The following NXN variants were observed in gnomAD, a reference collection of about 807,000 sequenced individuals.
NXN encodes the protein nucleoredoxin, also known as nucleoredoxin 1.
In NXN, 16 loss-of-function variants were observed where a neutral mutation model predicts 48.6. The ratio of observed to expected loss-of-function variants is 0.33; its 90% CI spans 0.22 to 0.50. The LOEUF is 0.50. NXN is among the 20% of genes least tolerant of loss of function. The pLI, the probability that NXN is intolerant of heterozygous loss-of-function variation, is 0.98. For synonymous variants in NXN, 281 were observed against 269.6 expected (o/e 1.04, Z -0.41); for missense variants, 492 against 605.5 (o/e 0.81, Z 1.97).
At position 902,357 on chromosome 17, in the gene NXN, C is replaced by T. The variant is rs199838850; in HGVS notation, c.361-76279G>A. On this transcript the variant is annotated intron_variant, in intron 1 of 7. Transcript: ENST00000336868. ...GATCCGTGAGGTTGATACTTCAAGTCGAAGGCACGAGAATGTCCTTCTGAA... is the reference window on the plus strand; with the variant it reads ...GATCCGTGAGGTTGATACTTCAAGTTGAAGGCACGAGAATGTCCTTCTGAA... 2.6e-5 allele frequency among the ~76,000 whole-genome samples: 4 copies of T among 152,136 alleles called. 1 individual carries two copies. Among genetic ancestry groups the T allele is most frequent in the African/African-American group, 9.7e-5 (4 of 41,422 alleles).
At chr17:976,671 G>A (rs951828116) in intron 1 of NXN, among the ~76,000 whole-genome samples, 1 of 152,124 alleles carries the variant, frequency 6.6e-6, no homozygotes. Context: ...ATTAGCTCAC[G>A]GGCTTCTAAG....
At chr17:935,240 C>G (rs12946604) in intron 1 of NXN, among the ~76,000 whole-genome samples, 41,473 of 151,916 alleles carry the variant, frequency 0.27, 6,037 homozygotes, top group South Asian at 0.36. Flanking sequence ...GTGATCTGCC[C>G]ACCTTGGCCT....
chr17:969,304 G>C (rs772221548), intron 1 of NXN, among the ~76,000 whole-genome samples: 1 of 152,010 alleles, frequency 6.6e-6, no homozygotes, highest in Admixed American at 6.6e-5. Flanking sequence ...TCCAGAACTG[G>C]CCCCAAAGTC....
In NXN at chr17:911,370, C is replaced by T. The variant is rs576704595; in HGVS notation, c.360+67949G>A. On this transcript the variant is annotated intron_variant, in intron 1 of 7. Transcript: ENST00000336868. ...TTTTTTTTTTTTTGAGACGGAGTCTCGCTCTGTCGCCCAGGCTGGAGTGCA... is the reference window on the plus strand; with the variant it reads ...TTTTTTTTTTTTTGAGACGGAGTCTTGCTCTGTCGCCCAGGCTGGAGTGCA... 5.0e-3 allele frequency among the ~76,000 whole-genome samples: 632 copies of T among 127,130 alleles called. 17 individuals are homozygous for T. The highest frequency in any genetic ancestry group is 0.046 in the Admixed American group (469 of 10,290). The allele number at this position is 127,130 out of a possible 152,430, so 83.4% of individuals were successfully genotyped here.
chr17:976,881 C>T (rs2069466095), intron 1 of NXN, among the ~76,000 whole-genome samples: 1 of 152,030 alleles, frequency 6.6e-6, no homozygotes, highest in African/African-American at 2.4e-5. Context: ...ATTCTCCTGC[C>T]TCAGCCTCCC....
chr17:826,051 A>C lies in NXN; in HGVS notation c.388T>G (p.Ser130Ala). ...KLKLWNKYRI[S>A]NIPSLIFLDA... ...AGGAATATTAGTGATGGAATGTTGG[A>C]AATTCGGTATTTGTTCCAAAGTTTG... Residue 130 changes from serine (S) to alanine (A), a missense_variant, in exon 2 of 8, where the codon TCC becomes GCC. By Grantham distance (99) the Ser-to-Ala change is moderately conservative (BLOSUM62 1). Around this residue, in one of 3 missense-constraint regions of NXN, gnomAD observed 186 missense variants for 199.1 expected, o/e 0.93. Transcript: ENST00000336868. The C allele has an allele frequency of 6.2e-7, 1 of 1,613,902 alleles. No individual in the cohort carries two copies. Among genetic ancestry groups the C allele is most frequent in the Non-Finnish European group, 8.5e-7 (1 of 1,179,790 alleles).
chr17:838,788 T>C (rs1035503323), intron 1 of NXN, among the ~76,000 whole-genome samples: 1 of 152,086 alleles, frequency 6.6e-6, no homozygotes, highest in African/African-American at 2.4e-5. Flanking sequence ...CACACTGAAC[T>C]ATCTCAAACA....
chr17:979,424 GCGCCGCCGCGGCTCGGGCTC>G lies in NXN; in HGVS notation c.235_254del (p.Glu79ProfsTer72), dbSNP rs1467355809. 2 of 1,348,060 alleles carry G rather than the reference GCGCCGCCGCGGCTCGGGCTC, an allele frequency of 1.5e-6. No homozygotes were observed. Among genetic ancestry groups the G allele is most frequent in the Non-Finnish European group, 9.7e-7 (1 of 1,035,888 alleles). The allele number at this position is 1,348,060 out of a possible 1,614,324, so 83.5% of individuals were successfully genotyped here. ...CCGAGGACACGAAGACGATCTCCAG[GCGCCGCCGCGGCTCGGGCTC>G]CGCCGCCGCCCCGGCCCCCGCTCCC... On this transcript the variant is annotated frameshift_variant, in exon 1 of 8. Coordinates refer to ENST00000336868, the MANE Select transcript of NXN (RefSeq NM_022463.5). LOFTEE classifies it high-confidence loss of function.
At chr17:819,208 A>G in intron 5 of NXN, 1 of 517,170 alleles carries the variant, frequency 1.9e-6, no homozygotes, top group Non-Finnish European at 3.5e-6. Flanking sequence ...CAGCCTCCCA[A>G]AGTGCTGGGG....
chr17:884,723 C>T (rs932553785), intron 1 of NXN, among the ~76,000 whole-genome samples: 2 of 152,162 alleles, frequency 1.3e-5, no homozygotes, highest in Admixed American at 6.5e-5. Context: ...TGAATCCAAA[C>T]GTTCAGATAC....
At chr17:853,217 G>A (rs538075343) in intron 1 of NXN, among the ~76,000 whole-genome samples, 81 of 152,250 alleles carry the variant, frequency 5.3e-4, no homozygotes, top group Admixed American at 3.9e-3. Context: ...TTTGGGAGGC[G>A]TGGATCACCT....
At chr17:968,618 TGACA>T (rs775900088) in intron 1 of NXN, among the ~76,000 whole-genome samples, 32 of 152,118 alleles carry the variant, frequency 2.1e-4, no homozygotes, top group Admixed American at 3.3e-4. Flanking sequence ...AATCAACAAC[TGACA>T]GACAATTATT....
chr17:831,418 C>G (rs1043856982), intron 1 of NXN, among the ~76,000 whole-genome samples: 1 of 152,144 alleles, frequency 6.6e-6, no homozygotes, highest in East Asian at 1.9e-4. Flanking sequence ...GAACCAGTCC[C>G]CCCGCCACAC....
chr17:801,686 C>T (rs1157645313), intron 7 of NXN, among the ~76,000 whole-genome samples: 5 of 152,102 alleles, frequency 3.3e-5, no homozygotes, highest in Non-Finnish European at 5.9e-5. Context: ...TCAGGTGATC[C>T]GCCTACCTTG....
chr17:841,380 GTGC>G lies in NXN; in HGVS notation c.361-15305_361-15303del, dbSNP rs1567827284. On this transcript the variant is annotated intron_variant, in intron 1 of 7. Coordinates refer to ENST00000336868, the MANE Select transcript of NXN (RefSeq NM_022463.5). ...TGGGACCCAGAGCAGCCCACACACGGTGCATCTCACGCCGGCGAGCAGGTCCCC... is the reference window on the plus strand; with the variant it reads ...TGGGACCCAGAGCAGCCCACACACGGATCTCACGCCGGCGAGCAGGTCCCC... Among the ~76,000 whole-genome samples, 58 of 151,758 alleles carry G rather than the reference GTGC, an allele frequency of 3.8e-4. 4 individuals carry two copies. Among genetic ancestry groups the G allele is most frequent in the African/African-American group, 4.1e-4 (17 of 41,270 alleles).
At chr17:936,255 C>A (rs2068906596) in intron 1 of NXN, among the ~76,000 whole-genome samples, 1 of 152,072 alleles carries the variant, frequency 6.6e-6, no homozygotes, top group Non-Finnish European at 1.5e-5. Context: ...GTGGAAGCAA[C>A]CTCCTGTTGT....
intron 1 of NXN, among the ~76,000 whole-genome samples, chr17:884,242 A>G (rs957762940): frequency 6.9e-6 from 1 of 145,556 alleles, no homozygotes; most frequent in African/African-American, 2.5e-5. Context: ...AAATAAATAA[A>G]TAAATAATAA....
intron 7 of NXN, among the ~76,000 whole-genome samples, chr17:801,550 A>G (rs990321088): frequency 1.1e-4 from 16 of 148,132 alleles, no homozygotes; most frequent in African/African-American, 3.7e-4. Flanking sequence ...GGTTTAAGCA[A>G]TTCTCCTGCC....
At chr17:926,850 C>T (rs1205315570) in intron 1 of NXN, among the ~76,000 whole-genome samples, 1 of 152,126 alleles carries the variant, frequency 6.6e-6, no homozygotes, top group Non-Finnish European at 1.5e-5. Context: ...CCATCCCACA[C>T]ATCCCTGGGA....
Sources: gnomAD v4.1 joint callset for allele counts (sites outside exome capture counted in the v4.1 genomes callset) on GRCh38, gnomAD v4.1.1 for gene constraint, gnomAD v4.1.1 regional missense constraint, MANE v1.5 for transcripts, NCBI Gene and HGNC (gene_info 2026-07-23, HGNC 2026-07-21) for gene names.